PLEC: variants seen among roughly 807,000 people sequenced by gnomAD.
The protein encoded by PLEC is plectin.
A neutral mutation model predicts 392.8 loss-of-function variants in PLEC; 216 were observed. The observed-to-expected ratio is 0.55, with a 90% CI of 0.49 to 0.62. The LOEUF is 0.62. Ranked by LOEUF, PLEC falls within the 20% of genes least tolerant of loss-of-function variation. The pLI is 0.00. For synonymous variants in PLEC, 3,621 were observed against 2,980.6 expected, an observed-to-expected ratio of 1.21 and a Z score of -7.00; for missense variants, 6,863 against 6,563.4, an observed-to-expected ratio of 1.05 and a Z score of -1.58.
rs1425586588 is a variant in PLEC, at chr8:143,921,475, A to G, written c.8346T>C (p.Thr2782=). ...CTTGGAAGAGAGAGATCTGCTGGCC[A>G]GTGTAGGGGTCCTTGTAGCCAGTGA... The part of the protein sequence containing the change: ...RAVTGYKDPY[T]GQQISLFQAM... Residue 2782 remains threonine, a synonymous_variant, in exon 32 of 32, where the codon ACT becomes ACC. Coordinates refer to ENST00000345136, the MANE Select transcript of PLEC (RefSeq NM_201384.3). The G allele has an allele frequency of 1.1e-5, 17 of 1,612,960 alleles. No homozygotes were observed. The highest frequency in any genetic ancestry group is 1.7e-5 in the Admixed American group (1 of 59,992).
chr8:143,924,150 TCTC>T lies in PLEC; in HGVS notation c.5776_5778del (p.Glu1926del), dbSNP rs782617795. The T allele has an allele frequency of 3.1e-6, 5 of 1,598,174 alleles. No individual in the cohort carries two copies. Among genetic ancestry groups the T allele is most frequent in the Admixed American group, 1.7e-5 (1 of 59,932 alleles). On this transcript the variant is annotated inframe_deletion, in exon 31 of 32. Coordinates refer to ENST00000345136, the MANE Select transcript of PLEC (RefSeq NM_201384.3). ...TCGAAGCTCGCCTTCAGCGCCAGGA[TCTC>T]CTCCTCCACCTGCCGCCGCTGCCTC... is the stretch of plus-strand genomic sequence containing the variant.
chr8:143,925,251 C>T lies in PLEC; in HGVS notation c.4678G>A (p.Ala1560Thr). 1.3e-6 allele frequency: 2 copies of T among 1,585,346 alleles called. No individual in the cohort carries two copies. The highest frequency in any genetic ancestry group is 1.1e-5 in the South Asian group (1 of 89,480). Residue 1560 changes from alanine (A) to threonine (T), a missense_variant, in exon 31 of 32, where the codon GCG becomes ACG. Physicochemically the swap from Ala to Thr is moderately conservative, Grantham distance 58 (BLOSUM62 0). Coordinates refer to ENST00000345136, the MANE Select transcript of PLEC (RefSeq NM_201384.3). ...RRLRQAEVER[A>T]RQVQVALETA... ...TCCAGGGCCACCTGTACCTGCCGCGCTCGCTCCACCTCGGCCTGCCGCAGG... is the reference window on the plus strand; with the variant it reads ...TCCAGGGCCACCTGTACCTGCCGCGTTCGCTCCACCTCGGCCTGCCGCAGG...
chr8:143,944,671 G>A (rs782316316), intron 1 of PLEC: 61 of 1,336,280 alleles, frequency 4.6e-5, no homozygotes, highest in Middle Eastern at 2.0e-4. Flanking sequence ...CATCGGGGAC[G>A]GTGGCAGGAG....
At position 143,918,538 on chromosome 8, in the gene PLEC, C is replaced by G. The variant is rs1554675599; in HGVS notation, c.11283G>C (p.Leu3761=). 3 of 1,610,018 alleles carry G rather than the reference C, an allele frequency of 1.9e-6. No homozygotes were observed. Among genetic ancestry groups the G allele is most frequent in the African/African-American group, 1.3e-5 (1 of 75,006 alleles). The change falls in exon 32 of 32, where the codon CTG becomes CTC. Residue 3761 remains leucine, a synonymous_variant. Transcript: ENST00000345136. ...GLVGPELHDR[L]LSAERAVTGY... is the part of the protein sequence containing the mutation. The stretch of plus-strand genomic sequence containing the variant: ...CGGTGACCGCCCGCTCAGCCGAGAG[C>G]AGGCGGTCGTGCAGCTCGGGCCCCA...
At chr8:143,929,081 G>T (rs1554710113) in intron 25 of PLEC, 22 bp downstream of exon 25, 1 of 1,554,124 alleles carries the variant, frequency 6.4e-7, no homozygotes. Context: ...CCAGCCCCTC[G>T]CCTGTGGCCA....
chr8:143,975,057 G>C, upstream of PLEC: 1 of 1,148,192 alleles, frequency 8.7e-7, no homozygotes, highest in Non-Finnish European at 1.3e-6. This position sits in a 1 kb window ranked among gnomAD's most constrained non-coding sequence, Gnocchi z 9.9. Flanking sequence ...GGCCCTCCGT[G>C]ACCCGCAGAT....
chr8:143,919,793 T>A lies in PLEC; in HGVS notation c.10028A>T (p.Glu3343Val). 6.2e-7 allele frequency: 1 copy of A among 1,612,752 alleles called. No homozygotes were observed. ...CAGCAGCGTCCGCACGGAGCCCAGC[T>A]CCGAAAGGTCCTTGACCGTCGTCTT... The part of the protein sequence containing the change: ...DGKTTVKDLS[E>V]LGSVRTLLQG... The change falls in exon 32 of 32, where the codon GAG becomes GTG. Residue 3343 changes from glutamate (E) to valine (V), a missense_variant. Glu to Val is a moderately radical substitution (Grantham distance 121, BLOSUM62 -2). Coordinates refer to ENST00000345136, the MANE Select transcript of PLEC (RefSeq NM_201384.3).
rs782280955 is a variant in PLEC at position 143,922,920 on chromosome 8, CCTT to C, written c.7006_7008del (p.Lys2336del). 6.2e-7 allele frequency: 1 copy of C among 1,601,208 alleles called. No homozygotes were observed. The highest frequency in any genetic ancestry group is 1.1e-5 in the South Asian group (1 of 89,408). ...CGCCGCGCCTGCTCCTGCGCAAGCT[CCTT>C]CTGCTGCTGCAGCAGTTCCGCCTCA... On this transcript the variant is annotated inframe_deletion, in exon 31 of 32. Coordinates refer to ENST00000345136, the MANE Select transcript of PLEC (RefSeq NM_201384.3).
chr8:143,950,380 G>A (rs1024014644), exon 1 of PLEC: 24 of 1,598,202 alleles, frequency 1.5e-5, no homozygotes, highest in African/African-American at 5.3e-5. Flanking sequence ...TGCGGCGTGC[G>A]GGCATCACCA....
intron 5 of PLEC, 33 bp downstream of exon 5, chr8:143,936,946 A>AG: frequency 6.6e-7 from 1 of 1,519,816 alleles, no homozygotes; most frequent in Non-Finnish European, 9.1e-7. Flanking sequence ...AAACTCCTGC[A>AG]GGGGGTGGGG....
chr8:143,938,351 G>C, intron 2 of PLEC, 111 bp from the exon 3 acceptor site: 7 of 1,536,084 alleles, frequency 4.6e-6, no homozygotes, highest in Non-Finnish European at 6.1e-6. Flanking sequence ...GGCGGGGGCT[G>C]AGTCTCCCGG....
At chr8:143,935,174 G>C (rs2132080735) in intron 7 of PLEC, 24 bp downstream of exon 7, 1 of 1,611,470 alleles carries the variant, frequency 6.2e-7, no homozygotes, top group South Asian at 1.1e-5. Context: ...GGAAGGGACA[G>C]GGAGGAAGGC....
chr8:143,949,911 A>C (rs1831938198), intron 1 of PLEC, among the ~76,000 whole-genome samples: 1 of 151,900 alleles, frequency 6.6e-6, no homozygotes, highest in Admixed American at 6.5e-5. Context: ...AGTGTTGGAG[A>C]GAGGGGAGGG....
rs1564100057 is a variant in PLEC, at chr8:143,929,582, C to T, written c.2924-11G>A. On this transcript the variant is annotated splice_polypyrimidine_tract_variant and intron_variant, in intron 23 of 31. Transcript: ENST00000345136. ...ACTCTTCCTGTGCACCTGGGGAACA[C>T]ATGTGGGTCACTCCACCGCCCACCT... The T allele has an allele frequency of 6.2e-7, 1 of 1,612,142 alleles. No homozygotes were observed. Among genetic ancestry groups the T allele is most frequent in the African/African-American group, 1.3e-5 (1 of 75,050 alleles).
chr8:143,958,811 C>T (rs892420119), upstream of PLEC: 8 of 293,522 alleles, frequency 2.7e-5, no homozygotes, highest in South Asian at 1.8e-4. This position sits in a 1 kb window ranked among gnomAD's most constrained non-coding sequence, Gnocchi z 4.9. Flanking sequence ...CACCTGTGGG[C>T]CCCTGGGGCG....
Position 143,935,275 on chromosome 8 carries a change from G to A in PLEC, c.641C>T (p.Thr214Ile). The change falls in exon 7 of 32, where the codon ACC (threonine) becomes ATC (isoleucine). Residue 214 changes from threonine (T) to isoleucine (I), a missense_variant. Thr to Ile is a moderately conservative substitution (Grantham distance 89). Coordinates refer to ENST00000345136, the MANE Select transcript of PLEC (RefSeq NM_201384.3). ...LIDMNKVYRQ[T>I]NLENLDQAFS... ...GGCCTGGTCCAGGTTCTCCAGGTTG[G>A]TCTGCCGGTACACCTTGTTCATGTC... The A allele has an allele frequency of 6.2e-7, 1 of 1,610,260 alleles. No individual in the cohort carries two copies.
At chr8:143,928,221 G>C (rs879970084) in intron 25 of PLEC, among the ~76,000 whole-genome samples, 20 of 152,254 alleles carry the variant, frequency 1.3e-4, no homozygotes, top group Non-Finnish European at 2.4e-4. Context: ...GCCTGGAGAG[G>C]GGGTGCGCCA....
chr8:143,965,384 G>A (rs186441173), intron 1 of PLEC, among the ~76,000 whole-genome samples: 1 of 129,058 alleles, frequency 7.7e-6, no homozygotes, highest in Non-Finnish European at 1.7e-5. Context: ...TTCCCAGCTG[G>A]CACCCTCCTT....
At position 143,973,363 on chromosome 8, in the gene PLEC, T is replaced by C; in HGVS notation, c.70+40A>G. 4 of 1,548,776 alleles carry C rather than the reference T, an allele frequency of 2.6e-6. No homozygotes were observed. The highest frequency in any genetic ancestry group is 3.5e-6 in the Non-Finnish European group (4 of 1,146,886). On this transcript the variant is annotated intron_variant, in intron 1 of 31. Coordinates refer to the PLEC transcript ENST00000356346. This position sits in a 1 kb window ranked among gnomAD's most constrained non-coding sequence, Gnocchi z 5.6. ...GACAAGGTGCTCGGCGGCTGGGCTG[T>C]CAGGAGCGGCCCGACAGGCAGCGGG...
Sources: allele counts gnomAD v4.1 joint callset (sites outside exome capture counted in the v4.1 genomes callset), GRCh38; gene constraint gnomAD v4.1.1; non-coding constraint Gnocchi (gnomAD v3.1); transcripts MANE v1.5; gene names NCBI Gene and HGNC (gene_info 2026-07-23, HGNC 2026-07-21).